KMT2A: variants seen among roughly 807,000 people sequenced by gnomAD.
The protein encoded by KMT2A is lysine methyltransferase 2A, also known as histone-lysine N-methyltransferase 2A.
A neutral mutation model predicts 345.3 loss-of-function variants in KMT2A; 16 were observed. The ratio of observed to expected loss-of-function variants is 0.05; its 90% CI spans 0.03 to 0.07. The LOEUF is 0.07. KMT2A is among the 10% of genes least tolerant of loss of function. The pLI is 1.00. For missense variants in KMT2A, 3,272 were observed against 4,841.6 expected (o/e 0.68, Z 9.62); for synonymous variants, 1,599 against 1,778.6 (o/e 0.90, Z 2.54).
chr11:118,456,613 C>T (rs1949649326), intron 1 of KMT2A, among the ~76,000 whole-genome samples: 1 of 152,192 alleles, frequency 6.6e-6, no homozygotes. Flanking sequence ...GCTAGGATTA[C>T]AGGCATGAGC....
At position 118,472,412 on chromosome 11, in the gene KMT2A, C is replaced by T; in HGVS notation, c.1253C>T (p.Ser418Phe). The part of the protein sequence containing the change: ...QFIMPVVSAI[S>F]SRIIKTPRRF... ...ATCATGCCTGTTGTCAGTGCTATCTCCTCGCGGATCATTAAGACCCCTCGG... is the reference window on the plus strand; with the variant it reads ...ATCATGCCTGTTGTCAGTGCTATCTTCTCGCGGATCATTAAGACCCCTCGG... The change falls in exon 3 of 36, where the codon TCC becomes TTC. Residue 418 changes from serine to phenylalanine, a missense_variant. Around this residue, in one of 27 missense-constraint regions of KMT2A, gnomAD observed 9 missense variants for 36.7 expected, o/e 0.25. Coordinates refer to ENST00000534358, the MANE Select transcript of KMT2A (RefSeq NM_001197104.2). 6.2e-7 allele frequency: 1 copy of T among 1,614,056 alleles called. No homozygotes were observed. Among genetic ancestry groups the T allele is most frequent in the Non-Finnish European group, 8.5e-7 (1 of 1,180,000 alleles).
Position 118,499,815 on chromosome 11 carries a change from GTTC to G in KMT2A, c.6080-14_6080-12del. On this transcript the variant is annotated splice_polypyrimidine_tract_variant and intron_variant, in intron 23 of 35. Coordinates refer to ENST00000534358, the MANE Select transcript of KMT2A (RefSeq NM_001197104.2). The stretch of plus-strand genomic sequence containing the variant: ...TGACGCTCATAATCTTCTCTAATCG[GTTC>G]TTCTTTCCTTGGTCAGGGTCTATGA... The G allele has an allele frequency of 6.4e-7, 1 of 1,561,078 alleles. No homozygotes were observed. Among genetic ancestry groups the G allele is most frequent in the Non-Finnish European group, 8.8e-7 (1 of 1,132,152 alleles).
chr11:118,497,816 C>A lies in KMT2A; in HGVS notation c.5665-120C>A. On this transcript the variant is annotated intron_variant, in intron 20 of 35. Transcript: ENST00000534358. This position sits in a 1 kb window ranked among gnomAD's most constrained non-coding sequence, Gnocchi z 4.8. The stretch of plus-strand genomic sequence containing the variant: ...AAGAATTCTGATTTCTGTGTGCCTC[C>A]CTCCATTAAAGAATTATAGTTGCTT... 1 of 694,584 alleles carries A rather than the reference C, an allele frequency of 1.4e-6. No individual in the cohort carries two copies. Among genetic ancestry groups the A allele is most frequent in the Non-Finnish European group, 2.4e-6 (1 of 409,292 alleles). The allele number at this position is 694,584 out of a possible 1,614,324, so 43.0% of individuals were successfully genotyped here. A position where few individuals can be genotyped will look rare whatever the true frequency, so the allele number is the denominator to read the frequency against.
chr11:118,515,682 C>CTT (rs11374365), intron 31 of KMT2A, among the ~76,000 whole-genome samples: 4,548 of 97,316 alleles, frequency 0.047, 182 homozygotes, highest in African/African-American at 0.087. Flanking sequence ...TTTTTCTGTC[C>CTT]TTTTTTTTTT....
At chr11:118,479,849 A>G (rs1305176792) in intron 5 of KMT2A, among the ~76,000 whole-genome samples, 2 of 152,206 alleles carry the variant, frequency 1.3e-5, no homozygotes, top group African/African-American at 2.4e-5. Flanking sequence ...TAACATCGTA[A>G]GAGAGTAGGA....
At chr11:118,462,768 T>A (rs1218897381) in intron 1 of KMT2A, among the ~76,000 whole-genome samples, 1 of 152,198 alleles carries the variant, frequency 6.6e-6, no homozygotes, top group African/African-American at 2.4e-5. Flanking sequence ...TTCACCGTGT[T>A]AGCCAGGATG....
chr11:118,492,608 G>A (rs11216878), intron 15 of KMT2A, among the ~76,000 whole-genome samples: 183 of 152,338 alleles, frequency 1.2e-3, no homozygotes, highest in African/African-American at 4.1e-3. Flanking sequence ...GAACCTGGGC[G>A]GCGGAGCTTG....
At position 118,521,472 on chromosome 11, in the gene KMT2A, C is replaced by T. The variant is rs782494615; in HGVS notation, c.11643+55C>T. ...CTTTTGTTTTGCTGTAGAAAGGGAC[C>T]AGTATGACCCCTGGATCACAAAAGA... On this transcript the variant is annotated intron_variant, in intron 35 of 35. Transcript: ENST00000534358. The surrounding 1 kb of genome is among the most constrained non-coding windows in gnomAD (Gnocchi z 5.3). The T allele has an allele frequency of 6.9e-6, 11 of 1,590,406 alleles. No homozygotes were observed. The highest frequency in any genetic ancestry group is 9.5e-6 in the Non-Finnish European group (11 of 1,161,334).
chr11:118,500,255 G>A (rs1407246678), intron 24 of KMT2A, among the ~76,000 whole-genome samples: 1 of 152,138 alleles, frequency 6.6e-6, no homozygotes, highest in Non-Finnish European at 1.5e-5. Flanking sequence ...CTCATGCCCT[G>A]TTCCCAACTT....
Position 118,491,825 on chromosome 11 carries a change from A to G in KMT2A, c.4901A>G (p.Glu1634Gly). The change falls in exon 15 of 36, where the codon GAG (glutamate) becomes GGG (glycine). Residue 1634 changes from glutamate to glycine, a missense_variant. By Grantham distance (98) the Glu-to-Gly change is moderately conservative. This residue lies in a region of KMT2A where 66 missense variants were observed against 80.1 expected (regional missense o/e 0.82). Transcript: ENST00000534358. This position sits in a 1 kb window ranked among gnomAD's most constrained non-coding sequence, Gnocchi z 4.2. ...AACTGTACTGAGCGGCACCCTGCAG[A>G]GTGGCGACTGGCCCTTGAAAAAGAG... is the stretch of plus-strand genomic sequence containing the variant. ...CVNCTERHPA[E>G]WRLALEKELQ... The G allele has an allele frequency of 3.1e-6, 5 of 1,614,122 alleles. No homozygotes were observed. The highest frequency in any genetic ancestry group is 4.2e-6 in the Non-Finnish European group (5 of 1,179,952).
chr11:118,476,742 C>G lies in KMT2A; in HGVS notation c.3157-63C>G. The G allele has an allele frequency of 4.3e-6, 6 of 1,389,300 alleles. No individual in the cohort carries two copies. The highest frequency in any genetic ancestry group is 6.0e-6 in the Non-Finnish European group (6 of 1,005,162). The allele number at this position is 1,389,300 out of a possible 1,614,324, so 86.1% of individuals were successfully genotyped here. A position where few individuals can be genotyped will look rare whatever the true frequency, so the allele number is the denominator to read the frequency against. ...CTGAAATTGATTAAGTATACCTTGG[C>G]TTCGTTCAGTTATAATTTCAACATG... is the stretch of plus-strand genomic sequence containing the variant. On this transcript the variant is annotated intron_variant, in intron 3 of 35. Transcript: ENST00000534358. This position sits in a 1 kb window ranked among gnomAD's most constrained non-coding sequence, Gnocchi z 4.1.
chr11:118,450,127 G>T (rs1317195609), intron 1 of KMT2A: 1 of 151,988 alleles, frequency 6.6e-6, no homozygotes, highest in Non-Finnish European at 1.5e-5. Flanking sequence ...AGTTAAGTGG[G>T]CTTATTTTTT....
chr11:118,510,145 A>G lies in KMT2A; in HGVS notation c.11071+27A>G. 1.3e-6 allele frequency: 2 copies of G among 1,560,698 alleles called. No homozygotes were observed. The highest frequency in any genetic ancestry group is 1.4e-5 in the African/African-American group (1 of 73,060). ...TGAGTGGATTAAATCAGGTTGACCC[A>G]TCAGCAGAAGCCCTGTTTCAGCTAG... On this transcript the variant is annotated intron_variant, in intron 30 of 35. Transcript: ENST00000534358. The surrounding 1 kb of genome is among the most constrained non-coding windows in gnomAD (Gnocchi z 4.1).
rs1555027524 is a variant in KMT2A, at chr11:118,447,611, G to A, written c.432+10667G>A. On this transcript the variant is annotated intron_variant, in intron 1 of 35. Transcript: ENST00000534358. ...CTGATCATCCCCTTACTTGAGTGTTGTTTCCATTTCTAGGTTCCTCAACTT... is the reference window on the plus strand; with the variant it reads ...CTGATCATCCCCTTACTTGAGTGTTATTTCCATTTCTAGGTTCCTCAACTT... 6.7e-6 allele frequency: 3 copies of A among 450,718 alleles called. No homozygotes were observed. In the Admixed American group the frequency reaches 7.3e-5, roughly 11 times the overall value. The allele number at this position is 450,718 out of a possible 1,614,324, so 27.9% of individuals were successfully genotyped here.
chr11:118,491,201 T>C lies in KMT2A; in HGVS notation c.4702T>C (p.Phe1568Leu). 2 of 1,613,260 alleles carry C rather than the reference T, an allele frequency of 1.2e-6. No homozygotes were observed. Among genetic ancestry groups the C allele is most frequent in the Non-Finnish European group, 1.7e-6 (2 of 1,179,698 alleles). Residue 1568 changes from phenylalanine (F) to leucine (L), a missense_variant, in exon 14 of 36, where the codon TTC becomes CTC. Physicochemically the swap from Phe to Leu is conservative, Grantham distance 22 (BLOSUM62 0). Transcript: ENST00000534358. This position sits in a 1 kb window ranked among gnomAD's most constrained non-coding sequence, Gnocchi z 4.2. ...AAACTTTGCTTTGCTTTCAGGAAAC[T>C]TCTGCCCTCTCTGTGACAAATGTTA... Reference protein sequence around the residue: ...DCAKLFAKGNFCPLCDKCYDD... With the variant: ...DCAKLFAKGNLCPLCDKCYDD...
rs782645001 is a variant in KMT2A at position 118,523,675 on chromosome 11, C to G, written c.*1503C>G. 30 of 227,144 alleles carry G rather than the reference C, an allele frequency of 1.3e-4. No individual in the cohort carries two copies. Among genetic ancestry groups the G allele is most frequent in the Non-Finnish European group, 2.4e-4 (27 of 114,088 alleles). 14.1% of individuals were successfully genotyped at this position (227,144 alleles called of 1,614,324 possible). On this transcript the variant is annotated 3_prime_UTR_variant, in exon 36 of 36. Coordinates refer to ENST00000534358, the MANE Select transcript of KMT2A (RefSeq NM_001197104.2). ...GTATTATCCTAATTTAAAAGAAGAT[C>G]GGTTTTTAATAATTTTTTATTTTCA... is the stretch of plus-strand genomic sequence containing the variant.
chr11:118,447,555 G>A (rs918241376), intron 1 of KMT2A: 3 of 336,344 alleles, frequency 8.9e-6, no homozygotes, highest in South Asian at 6.8e-5. Flanking sequence ...TGATGGGATG[G>A]CATTATCTTT....
At chr11:118,465,538 C>T (rs1555033937) in intron 1 of KMT2A, among the ~76,000 whole-genome samples, 1 of 152,160 alleles carries the variant, frequency 6.6e-6, no homozygotes, top group Non-Finnish European at 1.5e-5. Flanking sequence ...CCTTACAGTG[C>T]TCAAATAAAA....
At chr11:118,454,917 A>C (rs1343617655) in intron 1 of KMT2A, among the ~76,000 whole-genome samples, 1 of 151,878 alleles carries the variant, frequency 6.6e-6, no homozygotes, top group Non-Finnish European at 1.5e-5. Context: ...ATAGTTTTCC[A>C]GTCTTCGGTA....
Sources: allele counts gnomAD v4.1 joint callset (sites outside exome capture counted in the v4.1 genomes callset), GRCh38; gene constraint gnomAD v4.1.1; regional missense constraint gnomAD v4.1.1; non-coding constraint Gnocchi (gnomAD v3.1); transcripts MANE v1.5; gene names NCBI Gene and HGNC (gene_info 2026-07-23, HGNC 2026-07-21).